The following KTN1 variants were observed in gnomAD, a reference collection of about 807,000 sequenced individuals.
The protein encoded by KTN1 is kinectin 1.
KTN1 carries 130 observed loss-of-function variants against 222.5 expected under a neutral mutation model. The observed-to-expected ratio is 0.58, with a 90% CI of 0.51 to 0.68. The LOEUF (loss-of-function observed/expected upper bound fraction) is 0.68, where lower values mean the gene tolerates loss of function less well. KTN1 is among the 30% of genes least tolerant of loss of function. The pLI is 0.00. For synonymous variants in KTN1, 512 were observed against 496.3 expected (o/e 1.03, Z -0.42); for missense variants, 1,508 against 1,500.4 (o/e 1.01, Z -0.08).
At chr14:55,590,226 C>T (rs1361653929) in intron 1 of KTN1, among the ~76,000 whole-genome samples, 3 of 152,148 alleles carry the variant, frequency 2.0e-5, no homozygotes, top group African/African-American at 7.2e-5. Context: ...TCTCTTCCTA[C>T]TTGTCTTTTT....
intron 10 of KTN1, among the ~76,000 whole-genome samples, chr14:55,636,976 C>T (rs1252275894): frequency 6.6e-6 from 1 of 151,960 alleles, no homozygotes; most frequent in Non-Finnish European, 1.5e-5. Context: ...TTGATGGATC[C>T]ATCTGGGAGA....
chr14:55,641,822 T>C, intron 18 of KTN1, 62 bp downstream of exon 18: 2 of 1,030,064 alleles, frequency 1.9e-6, no homozygotes, highest in Non-Finnish European at 3.0e-6. Context: ...CTGGTTCTTC[T>C]TATTTAGGTA....
At chr14:55,596,875 T>C (rs577820585) in intron 1 of KTN1, among the ~76,000 whole-genome samples, 27 of 152,228 alleles carry the variant, frequency 1.8e-4, no homozygotes, top group African/African-American at 5.1e-4. Context: ...GCTACACTTA[T>C]TTCCAATTCA....
At chr14:55,664,140 TATAAA>T in intron 33 of KTN1, 99 bp downstream of exon 33, 1 of 722,676 alleles carries the variant, frequency 1.4e-6, no homozygotes, top group South Asian at 1.9e-5. Context: ...GCAATTTAAA[TATAAA>T]ATCTCCTTAT....
intron 6 of KTN1, 80 bp from the exon 7 acceptor site, chr14:55,629,877 A>G: frequency 1.1e-6 from 1 of 932,608 alleles, no homozygotes; most frequent in South Asian, 1.6e-5. Context: ...GATGTTAAAT[A>G]ACATCATTGT....
At chr14:55,604,125 A>C (rs538579181) in intron 1 of KTN1, among the ~76,000 whole-genome samples, 1 of 152,156 alleles carries the variant, frequency 6.6e-6, no homozygotes, top group Non-Finnish European at 1.5e-5. Context: ...CCTGTAAGAA[A>C]CTACATGAAT....
At chr14:55,623,002 A>G (rs1043607238) in intron 5 of KTN1, among the ~76,000 whole-genome samples, 1 of 151,812 alleles carries the variant, frequency 6.6e-6, no homozygotes, top group Non-Finnish European at 1.5e-5. Flanking sequence ...TGTCTGTCCT[A>G]TCTCCCCTTT....
intron 1 of KTN1, among the ~76,000 whole-genome samples, chr14:55,592,961 G>A (rs930022601): frequency 2.0e-5 from 3 of 151,900 alleles, no homozygotes; most frequent in African/African-American, 7.3e-5. Context: ...AGTTTATCCC[G>A]TGTTTTTAAT....
At chr14:55,650,153 G>A (rs1045974551) in intron 22 of KTN1, among the ~76,000 whole-genome samples, 175 bp from the exon 23 acceptor site, 2 of 152,114 alleles carry the variant, frequency 1.3e-5, no homozygotes, top group Admixed American at 1.3e-4. Context: ...GGCTTCAGCT[G>A]TCTGTTAGGA....
chr14:55,651,504 A>G, intron 24 of KTN1: 1 of 382,948 alleles, frequency 2.6e-6, no homozygotes, highest in South Asian at 2.1e-5. Flanking sequence ...TGGAGAGTTA[A>G]TATTCTAATT....
intron 28 of KTN1, 122 bp from the exon 29 acceptor site, chr14:55,655,920 T>C (rs2043416851): frequency 1.8e-6 from 1 of 543,242 alleles, no homozygotes; most frequent in African/African-American, 1.9e-5. Flanking sequence ...GTTGGTATAA[T>C]ATGGGGGAAA....
chr14:55,596,936 T>G (rs2035146186), intron 1 of KTN1, among the ~76,000 whole-genome samples: 1 of 152,176 alleles, frequency 6.6e-6, no homozygotes, highest in South Asian at 2.1e-4. Context: ...AGACTCTTTT[T>G]GCAGCTTCAA....
chr14:55,674,563 A>G (rs2045734053), intron 40 of KTN1: 1 of 152,146 alleles, frequency 6.6e-6, no homozygotes, highest in East Asian at 1.9e-4. Flanking sequence ...TATGCATTGC[A>G]CAGATTAGGA....
chr14:55,671,490 T>C (rs2045444314), intron 35 of KTN1, 76 bp from the exon 36 acceptor site: 2 of 979,960 alleles, frequency 2.0e-6, no homozygotes, highest in South Asian at 3.0e-5. Flanking sequence ...AATACAGTAT[T>C]AAGTACTAAA....
chr14:55,644,240 T>A, intron 18 of KTN1: 1 of 503,242 alleles, frequency 2.0e-6, no homozygotes. Context: ...TTTCCACTTT[T>A]CTTTAACCCC....
chr14:55,658,520 CTGA>C (rs774568859), intron 29 of KTN1, 23 bp from the exon 30 acceptor site: 67 of 1,300,758 alleles, frequency 5.2e-5, no homozygotes, highest in Middle Eastern at 2.0e-4. Context: ...TGTTTAGATA[CTGA>C]TGTTTAATTT....
intron 10 of KTN1, among the ~76,000 whole-genome samples, chr14:55,636,842 T>TC (rs1399241344): frequency 3.3e-5 from 5 of 151,910 alleles, no homozygotes; most frequent in African/African-American, 1.2e-4. Context: ...TAATTCTTTT[T>TC]TTTTTTTCCC....
intron 1 of KTN1, among the ~76,000 whole-genome samples, chr14:55,582,349 G>A (rs945955599): frequency 3.3e-5 from 5 of 151,986 alleles, no homozygotes; most frequent in African/African-American, 1.2e-4. Flanking sequence ...CTTTTGGTAG[G>A]GAGATCGTTT....
At chr14:55,669,932 CAA>C (rs989409754) in intron 34 of KTN1, among the ~76,000 whole-genome samples, 9 of 151,658 alleles carry the variant, frequency 5.9e-5, no homozygotes, top group African/African-American at 2.2e-4. Context: ...AAATTTAATC[CAA>C]AGACTTAAAA....
Sources: gnomAD v4.1 joint callset for allele counts (sites outside exome capture counted in the v4.1 genomes callset) on GRCh38, gnomAD v4.1.1 for gene constraint, MANE v1.5 for transcripts, NCBI Gene and HGNC (gene_info 2026-07-23, HGNC 2026-07-21) for gene names.